Variants in MYO5C observed in about 807,000 individuals in gnomAD.
MYO5C encodes the protein myosin VC, also known as unconventional myosin-Vc.
Under a neutral mutation model 235.7 loss-of-function variants are expected in MYO5C, and 194 were observed. That is an observed-to-expected ratio of 0.82 (90% CI 0.73 to 0.93). The LOEUF (loss-of-function observed/expected upper bound fraction) is 0.93. MYO5C is among the 40% of genes least tolerant of loss of function. MYO5C has a pLI of 0.00. For synonymous variants in MYO5C, 707 were observed against 754.8 expected, an observed-to-expected ratio of 0.94 and a Z score of 1.04; for missense variants, 2,038 against 2,127.2, an observed-to-expected ratio of 0.96 and a Z score of 0.82.
chr15:52,256,601 G>GCGCGCGCA lies in MYO5C; in HGVS notation c.1395+37_1395+38insTGCGCGCG, dbSNP rs71425737. On this transcript the variant is annotated intron_variant, in intron 11 of 40. Coordinates refer to ENST00000261839, the MANE Select transcript of MYO5C (RefSeq NM_018728.4). ...CACACACACACACGCGCGCGCGCGCGGCTGAGAACTAGTCAAGAAGGCAGA... is the reference window on the plus strand; with the variant it reads ...CACACACACACACGCGCGCGCGCGCGCGCGCGCAGCTGAGAACTAGTCAAGAAGGCAGA... 54 of 1,496,694 alleles carry GCGCGCGCA rather than the reference G, an allele frequency of 3.6e-5. 1 individual carries two copies. Among genetic ancestry groups the GCGCGCGCA allele is most frequent in the Non-Finnish European group, 4.5e-5 (49 of 1,095,492 alleles). The allele number at this position is 1,496,694 out of a possible 1,614,324, so 92.7% of individuals were successfully genotyped here. A position where few individuals can be genotyped will look rare whatever the true frequency, so the allele number is the denominator to read the frequency against.
intron 19 of MYO5C, 181 bp from the exon 20 acceptor site, chr15:52,242,394 T>A (rs989013180): frequency 3.2e-6 from 2 of 619,192 alleles, no homozygotes; most frequent in African/African-American, 3.7e-5. Flanking sequence ...CAGTTCCCTG[T>A]CCTTGAGGAA....
chr15:52,275,168 C>T (rs924389448), intron 5 of MYO5C, among the ~76,000 whole-genome samples: 5 of 152,362 alleles, frequency 3.3e-5, no homozygotes, highest in Admixed American at 2.6e-4. Flanking sequence ...TGACTGATGT[C>T]AAACTACCAA....
intron 13 of MYO5C, among the ~76,000 whole-genome samples, chr15:52,249,506 A>T (rs2141331724): frequency 6.6e-6 from 1 of 152,342 alleles, no homozygotes; most frequent in Non-Finnish European, 1.5e-5. Flanking sequence ...ATGAGGAAAC[A>T]GGGGAGAGTG....
rs1193629075 is a variant in MYO5C at position 52,232,165 on chromosome 15, GGGAAGGAAGGGA to G, written c.3026+445_3026+456del. Among the ~76,000 whole-genome samples, 22 of 19,036 alleles carry G rather than the reference GGGAAGGAAGGGA, an allele frequency of 1.2e-3. 2 individuals carry two copies. Among genetic ancestry groups the G allele is most frequent in the African/African-American group, 1.9e-3 (21 of 11,336 alleles). 12.5% of individuals were successfully genotyped at this position (19,036 alleles called of 152,430 possible). A position where few individuals can be genotyped will look rare whatever the true frequency, so the allele number is the denominator to read the frequency against. ...AGAGGAAGGAAAGGAAGGAAAGGAA[GGGAAGGAAGGGA>G]GGAAGGGAGGAAGGGAGGAAGGAAG... is the stretch of plus-strand genomic sequence containing the variant. On this transcript the variant is annotated intron_variant, in intron 24 of 40. Transcript: ENST00000261839.
chr15:52,277,199 G>C (rs375319090), intron 4 of MYO5C: 4 of 531,010 alleles, frequency 7.5e-6, no homozygotes, highest in Non-Finnish European at 1.5e-5. Flanking sequence ...GACACTACCT[G>C]TCTAGCATCA....
intron 2 of MYO5C, 57 bp downstream of exon 2, chr15:52,282,725 C>T: frequency 3.1e-6 from 4 of 1,279,050 alleles, no homozygotes; most frequent in South Asian, 2.4e-5. Flanking sequence ...CATCCTTACA[C>T]ACACCCCAGC....
Position 52,225,422 on chromosome 15 carries a change from A to G in MYO5C, c.3301+17T>C. ...TCAGTCTGCACCCATGGACTAAGAGACTCATATTTTTATTACCTCTCATTT... is the reference window on the plus strand; with the variant it reads ...TCAGTCTGCACCCATGGACTAAGAGGCTCATATTTTTATTACCTCTCATTT... On this transcript the variant is annotated intron_variant, in intron 26 of 40. Coordinates refer to ENST00000261839, the MANE Select transcript of MYO5C (RefSeq NM_018728.4). The G allele has an allele frequency of 6.6e-6, 10 of 1,524,224 alleles. No homozygotes were observed. The highest frequency in any genetic ancestry group is 9.1e-6 in the Non-Finnish European group (10 of 1,098,276). The allele number at this position is 1,524,224 out of a possible 1,614,324, so 94.4% of individuals were successfully genotyped here.
rs1305495344 is a variant in MYO5C, at chr15:52,246,847, C to G, written c.1979+70G>C. The G allele has an allele frequency of 6.9e-6, 9 of 1,297,614 alleles. 1 individual carries two copies. The South Asian group carries it at 7.8e-5, about 11-fold the overall frequency. The allele number at this position is 1,297,614 out of a possible 1,614,324, so 80.4% of individuals were successfully genotyped here. ...AGGGTAATCTCAAGACAATTGGAAGCAAATTCTCCAACTTTATGGCAGAAA... is the reference window on the plus strand; with the variant it reads ...AGGGTAATCTCAAGACAATTGGAAGGAAATTCTCCAACTTTATGGCAGAAA... On this transcript the variant is annotated intron_variant, in intron 16 of 40. Coordinates refer to ENST00000261839, the MANE Select transcript of MYO5C (RefSeq NM_018728.4).
Position 52,264,270 on chromosome 15 carries a change from C to T in MYO5C, c.967G>A (p.Val323Ile), listed in dbSNP as rs778653472. The change falls in exon 9 of 41, where the codon GTT becomes ATT. Residue 323 changes from valine to isoleucine, a missense_variant. Coordinates refer to ENST00000261839, the MANE Select transcript of MYO5C (RefSeq NM_018728.4). Reference sequence around the variant, plus strand: ...AGGATGGCTGCCAGGATTTTAAAAACGTCCATCTGAAAATCCTCCTTGAAA... The same window carrying T: ...AGGATGGCTGCCAGGATTTTAAAAATGTCCATCTGAAAATCCTCCTTGAAA... ...LGFKEDFQMD[V>I]FKILAAILHL... 49 of 1,614,004 alleles carry T rather than the reference C, an allele frequency of 3.0e-5. No homozygotes were observed. The South Asian group carries it at 3.7e-4, about 12-fold the overall frequency.
At chr15:52,263,320 C>T (rs1263245311) in intron 9 of MYO5C, among the ~76,000 whole-genome samples, 1 of 152,122 alleles carries the variant, frequency 6.6e-6, no homozygotes, top group African/African-American at 2.4e-5. Flanking sequence ...ACACATACCC[C>T]TCCCCCAAGA....
intron 24 of MYO5C, among the ~76,000 whole-genome samples, chr15:52,229,804 A>G (rs2035908754): frequency 6.6e-6 from 1 of 152,190 alleles, no homozygotes; most frequent in Non-Finnish European, 1.5e-5. Flanking sequence ...TAGGTTAAAG[A>G]CAACTTCTTA....
intron 8 of MYO5C, among the ~76,000 whole-genome samples, chr15:52,265,684 G>A (rs886539050): frequency 6.6e-6 from 1 of 151,818 alleles, no homozygotes; most frequent in African/African-American, 2.4e-5. Flanking sequence ...GACTATAAAT[G>A]TGCGCCACCA....
chr15:52,214,706 G>A lies in MYO5C; in HGVS notation c.3955-16C>T. 1 of 1,536,904 alleles carries A rather than the reference G, an allele frequency of 6.5e-7. No homozygotes were observed. The highest frequency in any genetic ancestry group is 8.8e-7 in the Non-Finnish European group (1 of 1,136,650). On this transcript the variant is annotated splice_polypyrimidine_tract_variant and intron_variant, in intron 32 of 40. Transcript: ENST00000261839. ...CTTCAAGATCCTACAGCAATAAAAA[G>A]AAACCAGGATTTAGCTTAGAAGCAC...
chr15:52,283,966 C>T (rs564095981), intron 1 of MYO5C, among the ~76,000 whole-genome samples: 11 of 152,224 alleles, frequency 7.2e-5, no homozygotes, highest in South Asian at 2.1e-4. Flanking sequence ...TGAGCCACCA[C>T]GCCTGGCAGG....
At chr15:52,228,075 A>C (rs1305398571) in intron 25 of MYO5C, among the ~76,000 whole-genome samples, 1 of 151,848 alleles carries the variant, frequency 6.6e-6, no homozygotes, top group Non-Finnish European at 1.5e-5. Flanking sequence ...CCATTCATTC[A>C]TTTTTCTCTA....
At chr15:52,281,359 C>T (rs1012621220) in intron 2 of MYO5C, among the ~76,000 whole-genome samples, 6 of 152,246 alleles carry the variant, frequency 3.9e-5, no homozygotes, top group African/African-American at 1.4e-4. Context: ...ACCTCTGCAG[C>T]CGGGTCAAGG....
chr15:52,290,341 C>G (rs2140874135), intron 1 of MYO5C, among the ~76,000 whole-genome samples: 1 of 151,926 alleles, frequency 6.6e-6, no homozygotes, highest in African/African-American at 2.4e-5. Context: ...ATTTAATTTT[C>G]CAGAGTTGTT....
At chr15:52,278,303 T>G (rs2037093353) in intron 4 of MYO5C, among the ~76,000 whole-genome samples, 1 of 152,230 alleles carries the variant, frequency 6.6e-6, no homozygotes, top group Admixed American at 6.5e-5. Context: ...AGCTGTTTAC[T>G]GCCCAGACAT....
At chr15:52,264,414 A>T in intron 8 of MYO5C, 118 bp from the exon 9 acceptor site, 5 of 784,994 alleles carry the variant, frequency 6.4e-6, no homozygotes, top group Non-Finnish European at 1.0e-5. Flanking sequence ...TGGGACAGGA[A>T]CGTGAAGTGG....
Sources: allele counts gnomAD v4.1 joint callset (sites outside exome capture counted in the v4.1 genomes callset), GRCh38; gene constraint gnomAD v4.1.1; transcripts MANE v1.5; gene names NCBI Gene and HGNC (gene_info 2026-07-23, HGNC 2026-07-21).